Variants in ZEB2 observed in about 807,000 individuals in gnomAD.
The protein encoded by ZEB2 is zinc finger E-box-binding homeobox 2.
ZEB2 carries 6 observed loss-of-function variants against 99.9 expected under a neutral mutation model. The ratio of observed to expected loss-of-function variants is 0.06; its 90% CI spans 0.03 to 0.12. The LOEUF is 0.12. Ranked by LOEUF, ZEB2 falls within the 10% of genes least tolerant of loss-of-function variation. The pLI is 1.00. For missense variants in ZEB2, 969 were observed against 1,502.8 expected, an observed-to-expected ratio of 0.64 and a Z score of 5.87; for synonymous variants, 517 against 542.5, an observed-to-expected ratio of 0.95 and a Z score of 0.65.
intron 2 of ZEB2, chr2:144,463,719 G>C (rs959849573): frequency 6.6e-6 from 1 of 152,066 alleles, no homozygotes; most frequent in South Asian, 2.1e-4. Context: ...TGTGGTCCAA[G>C]CTACTTGGGA....
At chr2:144,477,767 T>C (rs1266573909) in intron 2 of ZEB2, among the ~76,000 whole-genome samples, 1 of 152,158 alleles carries the variant, frequency 6.6e-6, no homozygotes, top group African/African-American at 2.4e-5. Flanking sequence ...GGGAGACAGA[T>C]GTACAGAACC....
chr2:144,501,231 T>C (rs1336122117), intron 2 of ZEB2, among the ~76,000 whole-genome samples: 1 of 152,196 alleles, frequency 6.6e-6, no homozygotes, highest in Non-Finnish European at 1.5e-5. Context: ...TCAGGAACTT[T>C]CTCCATTAAT....
intron 2 of ZEB2, among the ~76,000 whole-genome samples, chr2:144,447,730 T>C (rs894181534): frequency 7.9e-5 from 12 of 152,336 alleles, no homozygotes; most frequent in African/African-American, 2.9e-4. Flanking sequence ...CATGCCCTTC[T>C]GACGGGCCCA....
chr2:144,421,817 C>G (rs1703622602), intron 4 of ZEB2, among the ~76,000 whole-genome samples: 1 of 152,154 alleles, frequency 6.6e-6, no homozygotes, highest in South Asian at 2.1e-4. Context: ...GCATAACTCT[C>G]AAATCTCTAT....
chr2:144,482,774 C>A (rs1373991225), intron 2 of ZEB2, among the ~76,000 whole-genome samples: 5 of 148,786 alleles, frequency 3.4e-5, no homozygotes, highest in Non-Finnish European at 7.4e-5. Context: ...ACGGTTCTAT[C>A]TTCTACCTTT....
chr2:144,517,901 C>A, intron 1 of ZEB2: 2 of 467,268 alleles, frequency 4.3e-6, no homozygotes, highest in Non-Finnish European at 7.7e-6. Context: ...GAAGCACACT[C>A]GGGCAAATTG....
chr2:144,453,354 C>T (rs1339639815), intron 2 of ZEB2, among the ~76,000 whole-genome samples: 1 of 152,206 alleles, frequency 6.6e-6, no homozygotes, highest in Non-Finnish European at 1.5e-5. Context: ...CCATGAGGCC[C>T]ACTTGGACCC....
chr2:144,420,577 C>G (rs2149887198), intron 4 of ZEB2, among the ~76,000 whole-genome samples: 1 of 152,204 alleles, frequency 6.6e-6, no homozygotes, highest in South Asian at 2.1e-4. Context: ...ATGAAACATG[C>G]TGAAGTTAGC....
At position 144,488,942 on chromosome 2, in the gene ZEB2, C is replaced by T. The variant is rs563626248; in HGVS notation, c.73+28336G>A. On this transcript the variant is annotated intron_variant, in intron 2 of 9. Transcript: ENST00000627532. ...AAAAGCATCAACTCCCTTAATCTAA[C>T]GATGATTTGTAATAAGAGGCTCCTT... is the stretch of plus-strand genomic sequence containing the variant. Among the ~76,000 whole-genome samples, 18 of 152,216 alleles carry T rather than the reference C, an allele frequency of 1.2e-4. No individual in the cohort carries two copies. The South Asian group carries it at 3.1e-3, about 26-fold the overall frequency.
intron 2 of ZEB2, among the ~76,000 whole-genome samples, chr2:144,486,917 T>C (rs1008410186): frequency 3.3e-5 from 5 of 152,160 alleles, no homozygotes; most frequent in Admixed American, 6.5e-5. Flanking sequence ...TCTGATGATT[T>C]TGGGGCTCAA....
At position 144,451,482 on chromosome 2, in the gene ZEB2, AG is replaced by A. The variant is rs754036892; in HGVS notation, c.74-21457del. 3.9e-5 allele frequency among the ~76,000 whole-genome samples: 6 copies of A among 152,358 alleles called. No homozygotes were observed. The East Asian group carries it at 9.6e-4, about 24-fold the overall frequency. ...TTATTAGGCCTCATTAAGAAAAATTAGTATTTATTTTTCTTAGGTGTAGAAA... is the reference window on the plus strand; with the variant it reads ...TTATTAGGCCTCATTAAGAAAAATTATATTTATTTTTCTTAGGTGTAGAAA... On this transcript the variant is annotated intron_variant, in intron 2 of 9. Coordinates refer to ENST00000627532, the MANE Select transcript of ZEB2 (RefSeq NM_014795.4).
At chr2:144,422,223 T>G (rs1188591891) in intron 4 of ZEB2, among the ~76,000 whole-genome samples, 1 of 152,216 alleles carries the variant, frequency 6.6e-6, no homozygotes, top group Admixed American at 6.5e-5. Flanking sequence ...GACTCTTCTG[T>G]CTGGTGCTTT....
chr2:144,392,589 G>A (rs536627499), intron 9 of ZEB2, among the ~76,000 whole-genome samples: 2 of 152,326 alleles, frequency 1.3e-5, no homozygotes, highest in South Asian at 2.1e-4. Flanking sequence ...TAGAATCTGG[G>A]AGCAGGTGAG....
intron 2 of ZEB2, chr2:144,511,598 C>A (rs1705040073): frequency 7.8e-7 from 1 of 1,282,504 alleles, no homozygotes; most frequent in African/African-American, 1.5e-5. Flanking sequence ...AAAGTTTACC[C>A]TCCCCACAGC....
At chr2:144,497,587 C>A (rs776123810) in intron 2 of ZEB2, 1 of 162,012 alleles carries the variant, frequency 6.2e-6, no homozygotes, top group Non-Finnish European at 1.5e-5. Context: ...AAAGAAAATG[C>A]GCATTTTTCT....
chr2:144,445,444 C>G (rs76432214), intron 2 of ZEB2, among the ~76,000 whole-genome samples: 2,433 of 152,236 alleles, frequency 0.016, 64 homozygotes, highest in African/African-American at 0.054. Flanking sequence ...CATTCTCTCT[C>G]TCTTCCTCTC....
intron 2 of ZEB2, among the ~76,000 whole-genome samples, chr2:144,486,671 G>T (rs1050051548): frequency 3.3e-5 from 5 of 152,132 alleles, no homozygotes; most frequent in Non-Finnish European, 5.9e-5. Flanking sequence ...GTATCCAAAA[G>T]GGAGGGTGTA....
At chr2:144,460,458 T>A (rs1704177011) in intron 2 of ZEB2, among the ~76,000 whole-genome samples, 1 of 152,118 alleles carries the variant, frequency 6.6e-6, no homozygotes, top group African/African-American at 2.4e-5. Flanking sequence ...CTTGGAGAAC[T>A]TTTTTGTTTA....
intron 2 of ZEB2, among the ~76,000 whole-genome samples, chr2:144,444,489 G>GC (rs1235187590): frequency 6.6e-6 from 1 of 152,190 alleles, no homozygotes; most frequent in African/African-American, 2.4e-5. Flanking sequence ...TGTGTCACCA[G>GC]CTGGGGGTCG....
Sources: allele counts gnomAD v4.1 joint callset (sites outside exome capture counted in the v4.1 genomes callset), GRCh38; gene constraint gnomAD v4.1.1; transcripts MANE v1.5; gene names NCBI Gene and HGNC (gene_info 2026-07-23, HGNC 2026-07-21).